Variants in EHHADH observed in about 807,000 individuals in gnomAD.
The protein encoded by EHHADH is enoyl-CoA hydratase and 3-hydroxyacyl CoA dehydrogenase.
A neutral mutation model predicts 64.4 loss-of-function variants in EHHADH; 48 were observed. That is an observed-to-expected ratio of 0.75 (90% CI 0.59 to 0.95). EHHADH has a LOEUF of 0.95. Among genes scored for constraint, EHHADH ranks in the 40% least tolerant of loss-of-function variants. The probability of loss-of-function intolerance (pLI) is 0.00; values close to 1 mark genes in which losing one functional copy is unlikely to be tolerated. For missense variants in EHHADH, 854 were observed against 876.6 expected (o/e 0.97, Z 0.33); for synonymous variants, 308 against 326.7 (o/e 0.94, Z 0.62).
At chr3:185,218,359 A>C in intron 4 of EHHADH, 119 bp from the exon 5 acceptor site, 1 of 573,074 alleles carries the variant, frequency 1.7e-6, no homozygotes, top group East Asian at 3.2e-5. Context: ...CTATTATTGA[A>C]TAAAATAAGT....
chr3:185,222,280 G>A (rs891538134), intron 4 of EHHADH, among the ~76,000 whole-genome samples: 7 of 152,116 alleles, frequency 4.6e-5, no homozygotes, highest in Non-Finnish European at 7.4e-5. Flanking sequence ...CTACTTGGGA[G>A]GCTGAAGCAG....
chr3:185,240,072 TCA>T (rs917126655), intron 2 of EHHADH, among the ~76,000 whole-genome samples: 33 of 152,156 alleles, frequency 2.2e-4, no homozygotes, highest in African/African-American at 7.5e-4. Flanking sequence ...ATCTGGTGAA[TCA>T]CAGTTACTGA....
Position 185,253,980 on chromosome 3 carries a change from G to A in EHHADH, c.43C>T (p.Arg15Cys). 6.2e-7 allele frequency: 1 copy of A among 1,613,996 alleles called. No homozygotes were observed. Among genetic ancestry groups the A allele is most frequent in the South Asian group, 1.1e-5 (1 of 91,070 alleles). ...TRLHNALALIRLRNPPVNAIS... is the reference protein window; with the variant it reads ...TRLHNALALICLRNPPVNAIS... ...GCGTTGACCGGCGGGTTTCGGAGGC[G>A]GATTAGCGCCAAGGCGTTGTGCAGC... Residue 15 changes from arginine (R) to cysteine (C), a missense_variant, in exon 1 of 7, where the codon CGC becomes TGC. Arg to Cys is a radical substitution (Grantham distance 180, BLOSUM62 -3). Coordinates refer to ENST00000231887, the MANE Select transcript of EHHADH (RefSeq NM_001966.4).
chr3:185,217,110 T>G (rs994489182), intron 5 of EHHADH, among the ~76,000 whole-genome samples: 2 of 152,056 alleles, frequency 1.3e-5, no homozygotes, highest in African/African-American at 2.4e-5. Flanking sequence ...AAATCTCATG[T>G]TGAAATGTGG....
chr3:185,199,185 C>T (rs1019858170), intron 6 of EHHADH, among the ~76,000 whole-genome samples: 1 of 151,648 alleles, frequency 6.6e-6, no homozygotes, highest in Non-Finnish European at 1.5e-5. Context: ...CCATCCAGGT[C>T]GAGGAAGGGA....
At chr3:185,205,800 T>C (rs986358648) in intron 5 of EHHADH, among the ~76,000 whole-genome samples, 3 of 152,100 alleles carry the variant, frequency 2.0e-5, no homozygotes, top group African/African-American at 7.2e-5. Context: ...GTGTGTGCAT[T>C]TTTATTCAAA....
At chr3:185,205,617 C>G (rs1718366869) in intron 5 of EHHADH, among the ~76,000 whole-genome samples, 1 of 151,818 alleles carries the variant, frequency 6.6e-6, no homozygotes, top group South Asian at 2.1e-4. Context: ...TATTTTAAAA[C>G]AAAGAATCGG....
At chr3:185,196,368 T>C (rs1217778174) in intron 6 of EHHADH, among the ~76,000 whole-genome samples, 1 of 152,158 alleles carries the variant, frequency 6.6e-6, no homozygotes, top group Non-Finnish European at 1.5e-5. Context: ...ATACACAAAA[T>C]GGAGAATATT....
intron 4 of EHHADH, among the ~76,000 whole-genome samples, chr3:185,227,111 G>A (rs1476299834): frequency 6.6e-6 from 1 of 152,184 alleles, no homozygotes; most frequent in Non-Finnish European, 1.5e-5. Context: ...TCAAAGCCAG[G>A]TCTTTGATTC....
At chr3:185,218,371 A>T (rs1476660811) in intron 4 of EHHADH, 131 bp from the exon 5 acceptor site, 1 of 509,936 alleles carries the variant, frequency 2.0e-6, no homozygotes, top group African/African-American at 2.0e-5. Flanking sequence ...AAAATAAGTA[A>T]GAACCACACT....
intron 5 of EHHADH, among the ~76,000 whole-genome samples, chr3:185,206,468 A>G (rs1718394418): frequency 6.6e-6 from 1 of 152,174 alleles, no homozygotes; most frequent in Non-Finnish European, 1.5e-5. Context: ...ATGACATACA[A>G]AAGAAACAAG....
intron 6 of EHHADH, among the ~76,000 whole-genome samples, chr3:185,196,759 T>C (rs1718075267): frequency 6.6e-6 from 1 of 151,882 alleles, no homozygotes; most frequent in Non-Finnish European, 1.5e-5. Flanking sequence ...CCCAGCACTT[T>C]GGGAGGCCAG....
intron 6 of EHHADH, 42 bp downstream of exon 6, chr3:185,204,374 G>A (rs1448703651): frequency 1.3e-6 from 2 of 1,526,796 alleles, no homozygotes; most frequent in Admixed American, 1.8e-5. Flanking sequence ...CACATTACAT[G>A]AGCAGATTTG....
intron 4 of EHHADH, among the ~76,000 whole-genome samples, chr3:185,224,424 C>T (rs1489101573): frequency 6.7e-6 from 1 of 149,204 alleles, no homozygotes; most frequent in Admixed American, 6.7e-5. Context: ...TCACTTGAAC[C>T]CGGGAGGTGG....
intron 2 of EHHADH, among the ~76,000 whole-genome samples, chr3:185,244,464 T>A (rs1224164935): frequency 1.3e-5 from 2 of 152,232 alleles, no homozygotes; most frequent in Non-Finnish European, 2.9e-5. Flanking sequence ...CTGTAATTTT[T>A]CTTTTCCATA....
intron 2 of EHHADH, among the ~76,000 whole-genome samples, chr3:185,238,652 T>C (rs1388930061): frequency 1.3e-5 from 2 of 152,210 alleles, no homozygotes; most frequent in African/African-American, 4.8e-5. Context: ...TTAATTGGTT[T>C]TTCCTTGTTG....
At position 185,229,508 on chromosome 3, in the gene EHHADH, A is replaced by G; in HGVS notation, c.387T>C (p.Leu129=). ...QVGLPEVTLG[L]LPGARGTQLL... is the part of the protein sequence containing the mutation. ...GCTGGGTTCCTCTTGCACCAGGGAG[A>G]AGTCCCAGTGTAACTTCTGGTAAGC... The change falls in exon 4 of 7, where the codon CTT becomes CTC. Residue 129 remains leucine, a synonymous_variant. Transcript: ENST00000231887. The G allele has an allele frequency of 6.3e-7, 1 of 1,575,896 alleles. No homozygotes were observed.
chr3:185,228,926 C>A (rs1010542289), intron 4 of EHHADH, among the ~76,000 whole-genome samples: 6 of 151,812 alleles, frequency 4.0e-5, no homozygotes, highest in Admixed American at 2.0e-4. Context: ...GCCTCAGTCT[C>A]CCGAGTAGCT....
chr3:185,240,394 G>T (rs1357332817), intron 2 of EHHADH, among the ~76,000 whole-genome samples: 2 of 84,412 alleles, frequency 2.4e-5, no homozygotes, highest in Non-Finnish European at 7.0e-5. Context: ...AATCTATCTG[G>T]TCTTGGGTTT....
Sources: allele counts gnomAD v4.1 joint callset (sites outside exome capture counted in the v4.1 genomes callset), GRCh38; gene constraint gnomAD v4.1.1; transcripts MANE v1.5; gene names NCBI Gene and HGNC (gene_info 2026-07-23, HGNC 2026-07-21).